Variants in TRIM10 observed in about 807,000 individuals in gnomAD.
The protein encoded by TRIM10 is tripartite motif containing 10.
In TRIM10, 42 loss-of-function variants were observed where a neutral mutation model predicts 40.0. The ratio of observed to expected loss-of-function variants is 1.05; its 90% CI spans 0.82 to 1.36. TRIM10 has a LOEUF of 1.36. Among genes scored for constraint, TRIM10 ranks in the 40% most tolerant of loss-of-function variants. TRIM10 has a pLI of 0.00. For missense variants in TRIM10, 601 were observed against 608.3 expected, an observed-to-expected ratio of 0.99 and a Z score of 0.13; for synonymous variants, 260 against 239.5, an observed-to-expected ratio of 1.09 and a Z score of -0.79.
rs770546848 is a variant in TRIM10 at position 30,158,399 on chromosome 6, C to G, written c.756G>C (p.Thr252=). ...GGCAGGGTTCCGGTTCAGGCCTCAC[C>G]GTCAGGAGCTCCCTTGCTGGCCTCT... ...KNERPARELL[T]DIRSTLIRCE... The change falls in exon 3 of 7, where the codon ACG becomes ACC. Residue 252 remains threonine, a splice_region_variant and synonymous_variant. Transcript: ENST00000449742. The G allele has an allele frequency of 6.2e-7, 1 of 1,612,772 alleles. No individual in the cohort carries two copies. Among genetic ancestry groups the G allele is most frequent in the East Asian group, 2.2e-5 (1 of 44,882 alleles).
In TRIM10 at chr6:30,160,556, C is replaced by T; in HGVS notation, c.303G>A (p.Glu101=). Residue 101 remains glutamate (E), a synonymous_variant, in exon 1 of 7, where the codon GAG becomes GAA. Transcript: ENST00000449742. ...LGLGEEDVCQ[E]HGEKIYFFCE... ...AGAAGAAGTAGATCTTCTCTCCGTGCTCTTGGCAGACATCCTCCTCTCCCA... is the reference window on the plus strand; with the variant it reads ...AGAAGAAGTAGATCTTCTCTCCGTGTTCTTGGCAGACATCCTCCTCTCCCA... 6.2e-7 allele frequency: 1 copy of T among 1,614,242 alleles called. No homozygotes were observed. Among genetic ancestry groups the T allele is most frequent in the Non-Finnish European group, 8.5e-7 (1 of 1,180,046 alleles).
chr6:30,154,191 A>G lies in TRIM10; in HGVS notation c.1224T>C (p.Ala408=), dbSNP rs781216189. ...AGCCCAGAGCCGAGACGAAGCCCCA[A>G]GCCAGCCTCACAGCCCACACCCCCT... ...PEEGVWAVRL[A]WGFVSALGSF... The change falls in exon 7 of 7, where the codon GCT becomes GCC. Residue 408 remains alanine, a synonymous_variant. Transcript: ENST00000449742. The G allele has an allele frequency of 1.7e-5, 28 of 1,611,838 alleles. No individual in the cohort carries two copies. The highest frequency in any genetic ancestry group is 4.2e-6 in the Non-Finnish European group (5 of 1,179,184).
At position 30,159,232 on chromosome 6, in the gene TRIM10, T is replaced by G; in HGVS notation, c.443A>C (p.Lys148Thr). The change falls in exon 2 of 7, where the codon AAG (lysine) becomes ACG (threonine). Residue 148 changes from lysine (K) to threonine (T), a missense_variant. By Grantham distance (78) the Lys-to-Thr change is moderately conservative (BLOSUM62 -1). Coordinates refer to ENST00000449742, the MANE Select transcript of TRIM10 (RefSeq NM_006778.4). ...CTCTTTTCTTAGACATTTAAGACAC[T>G]TATGGATTTGTTCCTGGGGAGAAGG... ...AAAPYREQIH[K>T]CLKCLRKERE... 6.2e-7 allele frequency: 1 copy of G among 1,607,538 alleles called. No individual in the cohort carries two copies. Among genetic ancestry groups the G allele is most frequent in the Middle Eastern group, 1.7e-4 (1 of 6,046 alleles).
In TRIM10 at chr6:30,152,471, C is replaced by T. The variant is rs1227689217; in HGVS notation, c.*1498G>A. 6.6e-6 allele frequency: 1 copy of T among 152,172 alleles called. No homozygotes were observed. The highest frequency in any genetic ancestry group is 2.4e-5 in the African/African-American group (1 of 41,420). 9.4% of individuals were successfully genotyped at this position (152,172 alleles called of 1,614,324 possible). On this transcript the variant is annotated 3_prime_UTR_variant, in exon 7 of 7. Coordinates refer to ENST00000449742, the MANE Select transcript of TRIM10 (RefSeq NM_006778.4). ...ATTTTAATGAGATACTGCACACTCCCAGGGAAAGCAATTCAATCTCTAATC... is the reference window on the plus strand; with the variant it reads ...ATTTTAATGAGATACTGCACACTCCTAGGGAAAGCAATTCAATCTCTAATC...
In TRIM10 at chr6:30,154,254, A is replaced by G; in HGVS notation, c.1161T>C (p.Asp387=). 6.2e-7 allele frequency: 1 copy of G among 1,612,942 alleles called. No homozygotes were observed. Among genetic ancestry groups the G allele is most frequent in the African/African-American group, 1.3e-5 (1 of 75,020 alleles). ...GSCTVGVVSE[D]VQRKGELRLR... ...GCCGAAGCTCCCCCTTCCGCTGCAC[A>G]TCCTCGCTCACCACGCCCACGGTGC... is the stretch of plus-strand genomic sequence containing the variant. Residue 387 remains aspartate (D), a synonymous_variant, in exon 7 of 7, where the codon GAT becomes GAC. Coordinates refer to ENST00000449742, the MANE Select transcript of TRIM10 (RefSeq NM_006778.4).
Position 30,160,541 on chromosome 6 carries a change from G to T in TRIM10, c.318C>A (p.Ile106=), listed in dbSNP as rs140966894. 202 of 1,614,106 alleles carry T rather than the reference G, an allele frequency of 1.3e-4. No individual in the cohort carries two copies. Among genetic ancestry groups the T allele is most frequent in the Non-Finnish European group, 1.7e-4 (195 of 1,180,042 alleles). The change falls in exon 1 of 7, where the codon ATC becomes ATA. Residue 106 remains isoleucine, a synonymous_variant. Transcript: ENST00000449742. ...TCTCATCATCCTCACAGAAGAAGTA[G>T]ATCTTCTCTCCGTGCTCTTGGCAGA... The part of the protein sequence containing the change: ...EDVCQEHGEK[I]YFFCEDDEMQ...
Position 30,160,719 on chromosome 6 carries a change from G to C in TRIM10, c.140C>G (p.Pro47Arg). 1 of 1,614,210 alleles carries C rather than the reference G, an allele frequency of 6.2e-7. No individual in the cohort carries two copies. The change falls in exon 1 of 7, where the codon CCA becomes CGA. Residue 47 changes from proline (P) to arginine (R), a missense_variant. Coordinates refer to ENST00000449742, the MANE Select transcript of TRIM10 (RefSeq NM_006778.4). Reference protein sequence around the residue: ...RACLTRYCEIPGPDLEESPTC... With the variant: ...RACLTRYCEIRGPDLEESPTC... ...AGGGGACTCCTCCAGGTCTGGGCCT[G>C]GTATCTCACAGTAGCGGGTAAGGCA...
Position 30,155,715 on chromosome 6 carries a change from T to C in TRIM10, c.928+12A>G, listed in dbSNP as rs2127438751. ...CTTCTCATTCTCTCCCATCCTGACA[T>C]AGGCTCCTTACCTGGCTCATAGTCC... On this transcript the variant is annotated intron_variant, in intron 6 of 6. Coordinates refer to ENST00000449742, the MANE Select transcript of TRIM10 (RefSeq NM_006778.4). 9.9e-6 allele frequency: 16 copies of C among 1,613,522 alleles called. No individual in the cohort carries two copies. The highest frequency in any genetic ancestry group is 2.2e-5 in the East Asian group (1 of 44,874).
Position 30,154,210 on chromosome 6 carries a change from A to T in TRIM10, c.1205T>A (p.Val402Glu). ...GELRLRPEEG[V>E]WAVRLAWGFV... is the part of the protein sequence containing the mutation. ...GCCCCAAGCCAGCCTCACAGCCCAC[A>T]CCCCCTCCTCTGGCCGCAGCCGAAG... The change falls in exon 7 of 7, where the codon GTG (valine) becomes GAG (glutamate). Residue 402 changes from valine to glutamate, a missense_variant. Physicochemically the swap from Val to Glu is moderately radical, Grantham distance 121 (BLOSUM62 -2). Transcript: ENST00000449742. The T allele has an allele frequency of 6.2e-7, 1 of 1,611,614 alleles. No individual in the cohort carries two copies.
intron 1 of TRIM10, 21 bp downstream of exon 1, chr6:30,160,409 C>A (rs1227090390): frequency 4.4e-6 from 7 of 1,604,398 alleles, no homozygotes; most frequent in Non-Finnish European, 5.1e-6. Flanking sequence ...ACCCTGGGAT[C>A]CCCCAGTTCC....
At position 30,154,048 on chromosome 6, in the gene TRIM10, A is replaced by T. The variant is rs769680510; in HGVS notation, c.1367T>A (p.Phe456Tyr). ...NAVTREPIYT[F>Y]TASFTRKVIP... is the part of the protein sequence containing the mutation. ...GACCTTCCTAGTGAAGGAGGCAGTG[A>T]AGGTGTAGATGGGCTCTCGGGTGAC... Residue 456 changes from phenylalanine (F) to tyrosine (Y), a missense_variant, in exon 7 of 7, where the codon TTC becomes TAC. Coordinates refer to ENST00000449742, the MANE Select transcript of TRIM10 (RefSeq NM_006778.4). 10 of 1,612,470 alleles carry T rather than the reference A, an allele frequency of 6.2e-6. No homozygotes were observed. The South Asian group carries it at 1.1e-4, about 18-fold the overall frequency.
upstream of TRIM10, among the ~76,000 whole-genome samples, chr6:30,162,510 G>A (rs1253388800): frequency 1.3e-5 from 2 of 152,058 alleles, no homozygotes; most frequent in Admixed American, 6.5e-5. Flanking sequence ...AGAGTAAAAA[G>A]GGAGCAACCA....
At chr6:30,154,602 T>A in intron 6 of TRIM10, 116 bp from the exon 7 acceptor site, 1 of 1,342,994 alleles carries the variant, frequency 7.4e-7, no homozygotes, top group Non-Finnish European at 1.0e-6. Flanking sequence ...AAAACATGTA[T>A]AGTGCCTACG....
At position 30,160,801 on chromosome 6, in the gene TRIM10, G is replaced by C. The variant is rs1413110609; in HGVS notation, c.58C>G (p.Gln20Glu). 6.2e-7 allele frequency: 1 copy of C among 1,613,810 alleles called. No homozygotes were observed. Among genetic ancestry groups the C allele is most frequent in the East Asian group, 2.2e-5 (1 of 44,882 alleles). ...LADEVNCPIC[Q>E]GTLREPVTID... ...GTGACCGGCTCCCTCAGGGTACCCTGACAGATGGGGCAGTTGACTTCATCT... is the reference window on the plus strand; with the variant it reads ...GTGACCGGCTCCCTCAGGGTACCCTCACAGATGGGGCAGTTGACTTCATCT... The change falls in exon 1 of 7, where the codon CAG (glutamine) becomes GAG (glutamate). Residue 20 changes from glutamine to glutamate, a missense_variant. Coordinates refer to ENST00000449742, the MANE Select transcript of TRIM10 (RefSeq NM_006778.4).
chr6:30,163,766 A>G (rs368737286), upstream of TRIM10: 98 of 1,612,904 alleles, frequency 6.1e-5, no homozygotes, highest in African/African-American at 1.1e-3. Context: ...GGATGCGGTG[A>G]CCATTCCCTG....
chr6:30,157,105 C>T (rs758564136), intron 4 of TRIM10, 51 bp from the exon 5 acceptor site: 20 of 1,550,786 alleles, frequency 1.3e-5, no homozygotes, highest in Non-Finnish European at 1.6e-5. Context: ...TTAATAATGT[C>T]TCCAGACTCA....
In TRIM10 at chr6:30,154,211, C is replaced by T. The variant is rs748058070; in HGVS notation, c.1204G>A (p.Val402Met). 13 of 1,612,622 alleles carry T rather than the reference C, an allele frequency of 8.1e-6. No homozygotes were observed. Among genetic ancestry groups the T allele is most frequent in the South Asian group, 1.1e-5 (1 of 91,034 alleles). The change falls in exon 7 of 7, where the codon GTG becomes ATG. Residue 402 changes from valine to methionine, a missense_variant. Coordinates refer to ENST00000449742, the MANE Select transcript of TRIM10 (RefSeq NM_006778.4). ...GELRLRPEEG[V>M]WAVRLAWGFV... ...CCCCAAGCCAGCCTCACAGCCCACACCCCCTCCTCTGGCCGCAGCCGAAGC... is the reference window on the plus strand; with the variant it reads ...CCCCAAGCCAGCCTCACAGCCCACATCCCCTCCTCTGGCCGCAGCCGAAGC...
At chr6:30,157,567 A>C (rs140073951) in intron 3 of TRIM10, among the ~76,000 whole-genome samples, 176 bp from the exon 4 acceptor site, 4,103 of 150,792 alleles carry the variant, frequency 0.027, 96 homozygotes, top group Middle Eastern at 0.052. Context: ...CTCACTGCAT[A>C]CTCAACCTCC....
Position 30,157,512 on chromosome 6 carries a change from GTC to G in TRIM10, c.757-123_757-122del. On this transcript the variant is annotated intron_variant, in intron 3 of 6. Transcript: ENST00000449742. The stretch of plus-strand genomic sequence containing the variant: ...TGCTTGTTTGTTTGTTTGAGAAAGG[GTC>G]TCACTCTGGTGCCCAGGCTGGAATA... The G allele has an allele frequency of 3.7e-6, 4 of 1,076,632 alleles. No homozygotes were observed. In the South Asian group the frequency reaches 6.5e-5, roughly 18 times the overall value. The allele number at this position is 1,076,632 out of a possible 1,614,324, so 66.7% of individuals were successfully genotyped here. A position where few individuals can be genotyped will look rare whatever the true frequency, so the allele number is the denominator to read the frequency against.
Sources: gnomAD v4.1 joint callset for allele counts (sites outside exome capture counted in the v4.1 genomes callset) on GRCh38, gnomAD v4.1.1 for gene constraint, MANE v1.5 for transcripts, NCBI Gene and HGNC (gene_info 2026-07-23, HGNC 2026-07-21) for gene names.